Variants in DPYSL5 observed in about 807,000 individuals in gnomAD.
DPYSL5 encodes dihydropyrimidinase like 5, also known as dihydropyrimidinase-related protein 5.
DPYSL5 carries 9 observed loss-of-function variants against 58.4 expected under a neutral mutation model. The observed-to-expected ratio is 0.15, with a 90% CI of 0.09 to 0.27. The LOEUF (loss-of-function observed/expected upper bound fraction) is 0.27. Ranked by LOEUF, DPYSL5 falls within the 10% of genes least tolerant of loss-of-function variation. The probability of loss-of-function intolerance (pLI) is 1.00; values close to 1 mark genes in which losing one functional copy is unlikely to be tolerated. For missense variants in DPYSL5, 499 were observed against 770.6 expected, an observed-to-expected ratio of 0.65 and a Z score of 4.17; for synonymous variants, 293 against 301.9, an observed-to-expected ratio of 0.97 and a Z score of 0.31.
upstream of DPYSL5, chr2:26,848,066 C>T (rs1665640845): frequency 6.6e-6 from 1 of 151,406 alleles, no homozygotes; most frequent in Admixed American, 6.6e-5. Flanking sequence ...TGGCGGAGGC[C>T]GCTCCCAGCC....
intron 1 of DPYSL5, among the ~76,000 whole-genome samples, chr2:26,892,946 C>G (rs1247428607): frequency 6.6e-6 from 1 of 152,158 alleles, no homozygotes; most frequent in East Asian, 1.9e-4. Flanking sequence ...TCAGCTTCAC[C>G]CCAGCTCCAG....
At chr2:26,860,321 T>G (rs1325590027) in intron 1 of DPYSL5, among the ~76,000 whole-genome samples, 1 of 152,196 alleles carries the variant, frequency 6.6e-6, no homozygotes, top group Admixed American at 6.5e-5. Flanking sequence ...AAGGAGAAGT[T>G]TAGCACAACG....
chr2:26,941,898 T>G, intron 9 of DPYSL5, 52 bp from the exon 10 acceptor site: 24 of 1,608,642 alleles, frequency 1.5e-5, no homozygotes, highest in Non-Finnish European at 1.9e-5. Flanking sequence ...ACCAAGGGTT[T>G]GAGACCCACC....
rs1281963049 is a variant in DPYSL5, at chr2:26,949,175, T to C, written c.*2180T>C. 5 of 152,224 alleles carry C rather than the reference T, an allele frequency of 3.3e-5. No individual in the cohort carries two copies. Among genetic ancestry groups the C allele is most frequent in the Admixed American group, 3.3e-4 (5 of 15,286 alleles). The allele number at this position is 152,224 out of a possible 1,614,324, so 9.4% of individuals were successfully genotyped here. On this transcript the variant is annotated 3_prime_UTR_variant, in exon 13 of 13. Transcript: ENST00000288699. ...CTTTCCTGGTAGGCAGCCTGCTTTGTTTTGCACAGGAAGATAGATTTTTTT... is the reference window on the plus strand; with the variant it reads ...CTTTCCTGGTAGGCAGCCTGCTTTGCTTTGCACAGGAAGATAGATTTTTTT...
Position 26,924,969 on chromosome 2 carries a change from A to G in DPYSL5, c.344A>G (p.Lys115Arg), listed in dbSNP as rs760032354. 3 of 1,614,160 alleles carry G rather than the reference A, an allele frequency of 1.9e-6. No homozygotes were observed. The highest frequency in any genetic ancestry group is 1.7e-5 in the Admixed American group (1 of 60,028). The change falls in exon 3 of 13, where the codon AAG (lysine) becomes AGG (arginine). Residue 115 changes from lysine (K) to arginine (R), a missense_variant. Coordinates refer to ENST00000288699, the MANE Select transcript of DPYSL5 (RefSeq NM_020134.4). The surrounding 1 kb of genome is among the most constrained non-coding windows in gnomAD (Gnocchi z 4.7). ...KETSLVDAYE[K>R]CRGLADPKVC... The stretch of plus-strand genomic sequence containing the variant: ...ACCTCCCTTGTGGACGCTTATGAGA[A>G]GTGCCGAGGTCTGGCCGACCCCAAG...
chr2:26,942,739 C>A lies in DPYSL5; in HGVS notation c.1429C>A (p.Gln477Lys), dbSNP rs774781939. 2 of 1,613,720 alleles carry A rather than the reference C, an allele frequency of 1.2e-6. No homozygotes were observed. Among genetic ancestry groups the A allele is most frequent in the African/African-American group, 2.7e-5 (2 of 74,922 alleles). ...FPDTVYKKLV[Q>K]REKTLKVRGV... Reference sequence around the variant, plus strand: ...AGACACTGTCTACAAGAAGCTGGTCCAGAGAGAGAAGGTGAGGTGGGAGGA... The same window carrying A: ...AGACACTGTCTACAAGAAGCTGGTCAAGAGAGAGAAGGTGAGGTGGGAGGA... Residue 477 changes from glutamine (Q) to lysine (K), a missense_variant, in exon 11 of 13, where the codon CAG becomes AAG. Physicochemically the swap from Gln to Lys is moderately conservative, Grantham distance 53. This residue lies in a region of DPYSL5 where 62 missense variants were observed against 59.2 expected (regional missense o/e 1.05). Transcript: ENST00000288699. This position sits in a 1 kb window ranked among gnomAD's most constrained non-coding sequence, Gnocchi z 5.9.
intron 2 of DPYSL5, among the ~76,000 whole-genome samples, chr2:26,920,073 T>C (rs1664666348): frequency 6.6e-6 from 1 of 152,176 alleles, no homozygotes; most frequent in South Asian, 2.1e-4. Flanking sequence ...TGTGTTTACA[T>C]AGTAAAAGCA....
At chr2:26,856,008 C>T (rs1665868613) in intron 1 of DPYSL5, among the ~76,000 whole-genome samples, 2 of 151,954 alleles carry the variant, frequency 1.3e-5, no homozygotes, top group Admixed American at 6.6e-5. Flanking sequence ...TTAAGTTTGC[C>T]GTATTGTCAA....
intron 1 of DPYSL5, among the ~76,000 whole-genome samples, chr2:26,867,920 A>C (rs1009936740): frequency 6.6e-6 from 1 of 152,174 alleles, no homozygotes; most frequent in Non-Finnish European, 1.5e-5. Flanking sequence ...CTTTTTCAGA[A>C]GGGTGCAATA....
intron 9 of DPYSL5, among the ~76,000 whole-genome samples, chr2:26,941,140 T>C (rs1665312540): frequency 6.6e-6 from 1 of 151,872 alleles, no homozygotes; most frequent in African/African-American, 2.4e-5. Flanking sequence ...TTTCACCATG[T>C]TGGTTGGTCA....
intron 1 of DPYSL5, among the ~76,000 whole-genome samples, chr2:26,882,108 A>AAAAAG (rs1360841778): frequency 1.1e-4 from 16 of 150,584 alleles, no homozygotes; most frequent in African/African-American, 3.7e-4. Flanking sequence ...AAAAAAAAAA[A>AAAAAG]AAAAGAAAGA....
At chr2:26,878,674 T>C (rs1230997599) in intron 1 of DPYSL5, among the ~76,000 whole-genome samples, 1 of 152,226 alleles carries the variant, frequency 6.6e-6, no homozygotes, top group African/African-American at 2.4e-5. Flanking sequence ...TTGCTTGCCA[T>C]GCTAGCCAGC....
At position 26,850,431 on chromosome 2, in the gene DPYSL5, A is replaced by G. The variant is rs143554433; in HGVS notation, c.-5+2177A>G. Among the ~76,000 whole-genome samples the G allele has an allele frequency of 2.0e-5, 3 of 152,330 alleles. No individual in the cohort carries two copies. The East Asian group carries it at 5.8e-4, about 29-fold the overall frequency. ...ACCGCTGCAGCGCCTTGACATGTGA[A>G]GTGACACCCAAAGCCAGAATTCTGT... On this transcript the variant is annotated intron_variant, in intron 1 of 12. Transcript: ENST00000288699.
At chr2:26,904,796 A>G (rs1266259578) in intron 2 of DPYSL5, among the ~76,000 whole-genome samples, 1 of 152,180 alleles carries the variant, frequency 6.6e-6, no homozygotes, top group Non-Finnish European at 1.5e-5. Context: ...CCAGCTACTC[A>G]GTAGGCTGAG....
At chr2:26,940,708 A>T (rs72804865) in intron 9 of DPYSL5, among the ~76,000 whole-genome samples, 3,878 of 151,660 alleles carry the variant, frequency 0.026, 60 homozygotes, top group Non-Finnish European at 0.04. Flanking sequence ...TCTTCATATA[A>T]CACTATACCC....
chr2:26,935,711 T>A (rs1029768104), intron 8 of DPYSL5, among the ~76,000 whole-genome samples: 7 of 120,452 alleles, frequency 5.8e-5, no homozygotes, highest in South Asian at 2.8e-4. Context: ...AAAAAAAAAA[T>A]TGGGGGAGAA....
At chr2:26,939,906 G>A (rs1337466696) in intron 8 of DPYSL5, 125 bp from the exon 9 acceptor site, 3 of 1,302,594 alleles carry the variant, frequency 2.3e-6, no homozygotes, top group Admixed American at 3.8e-5. Flanking sequence ...GGCCTAAGCG[G>A]CAGAGCTGAA....
chr2:26,853,254 G>T (rs1572666951), intron 1 of DPYSL5, among the ~76,000 whole-genome samples: 1 of 152,168 alleles, frequency 6.6e-6, no homozygotes, highest in Admixed American at 6.5e-5. Context: ...TTGTCCCAAG[G>T]CTATGTAATT....
At chr2:26,938,043 A>G (rs1665227521) in intron 8 of DPYSL5, among the ~76,000 whole-genome samples, 1 of 152,142 alleles carries the variant, frequency 6.6e-6, no homozygotes, top group African/African-American at 2.4e-5. Context: ...AAATTTTTTC[A>G]TTTGATCATA....
Sources: allele counts gnomAD v4.1 joint callset (sites outside exome capture counted in the v4.1 genomes callset), GRCh38; gene constraint gnomAD v4.1.1; regional missense constraint gnomAD v4.1.1; non-coding constraint Gnocchi (gnomAD v3.1); transcripts MANE v1.5; gene names NCBI Gene and HGNC (gene_info 2026-07-23, HGNC 2026-07-21).